Variants in SOX13 observed in about 807,000 individuals in gnomAD.
The protein encoded by SOX13 is SRY-box transcription factor 13, also known as transcription factor SOX-13.
SOX13 carries 28 observed loss-of-function variants against 71.8 expected under a neutral mutation model. The observed-to-expected ratio is 0.39, with a 90% confidence interval of 0.29 to 0.53. SOX13 has a LOEUF of 0.53. Among genes scored for constraint, SOX13 ranks in the 20% least tolerant of loss-of-function variants. The probability of loss-of-function intolerance (pLI) is 0.70; values close to 1 mark genes in which losing one functional copy is unlikely to be tolerated. For missense variants in SOX13, 627 were observed against 810.3 expected (o/e 0.77, Z 2.75); for synonymous variants, 309 against 317.8 (o/e 0.97, Z 0.29).
At position 204,126,313 on chromosome 1, in the gene SOX13, G is replaced by T. The variant is rs1174309876; in HGVS notation, c.*179G>T. ...GGGAGAGGCGCCCTCCCTTCCTGAG[G>T]AGCTGTTGGCCTGGGTGGGCAGGAA... On this transcript the variant is annotated 3_prime_UTR_variant, in exon 14 of 14. Transcript: ENST00000367204. 8.6e-6 allele frequency: 6 copies of T among 698,790 alleles called. No homozygotes were observed. The highest frequency in any genetic ancestry group is 1.4e-5 in the Non-Finnish European group (6 of 421,956). 43.3% of individuals were successfully genotyped at this position (698,790 alleles called of 1,614,324 possible).
intron 4 of SOX13, among the ~76,000 whole-genome samples, chr1:204,115,809 G>C (rs1166694884): frequency 6.6e-6 from 1 of 151,664 alleles, no homozygotes; most frequent in Non-Finnish European, 1.5e-5. Context: ...TGGGATTACA[G>C]GTATGCGCCA....
At chr1:204,075,008 C>A (rs765767155) in intron 1 of SOX13, among the ~76,000 whole-genome samples, 7 of 152,142 alleles carry the variant, frequency 4.6e-5, no homozygotes, top group Admixed American at 1.3e-4. Context: ...GCTGCTGGCT[C>A]TTGACCACTA....
In SOX13 at chr1:204,101,626, A is replaced by G. The variant is rs116373398; in HGVS notation, c.-1-11289A>G. Among the ~76,000 whole-genome samples the G allele has an allele frequency of 2.1e-3, 324 of 152,220 alleles. 1 individual carries two copies. Among genetic ancestry groups the G allele is most frequent in the African/African-American group, 7.3e-3 (303 of 41,542 alleles). On this transcript the variant is annotated intron_variant, in intron 1 of 13. Transcript: ENST00000367204. Reference sequence around the variant, plus strand: ...TCAGCCACCACAATACTAAGTGCCAATCTGCTTTGTGCCAGGCATTGGGCT... The same window carrying G: ...TCAGCCACCACAATACTAAGTGCCAGTCTGCTTTGTGCCAGGCATTGGGCT...
intron 1 of SOX13, among the ~76,000 whole-genome samples, chr1:204,075,510 G>C (rs922665358): frequency 6.6e-6 from 1 of 152,224 alleles, no homozygotes; most frequent in Non-Finnish European, 1.5e-5. Context: ...GGACTTCCCC[G>C]CATGCGAAAT....
chr1:204,080,225 CG>C (rs1655874650), intron 1 of SOX13, among the ~76,000 whole-genome samples: 1 of 152,196 alleles, frequency 6.6e-6, no homozygotes, highest in African/African-American at 2.4e-5. Flanking sequence ...CTCCCCCCAG[CG>C]GTGGCCTTAG....
chr1:204,081,864 G>A lies in SOX13; in HGVS notation c.-2+8153G>A, dbSNP rs1655913947. ...TGGTTCTGGCCTGTTCCATGAGGGT[G>A]GGGTAGGGTGGGGAAAGAAGGGGGA... On this transcript the variant is annotated intron_variant, in intron 1 of 13. Transcript: ENST00000367204. This position sits in a 1 kb window ranked among gnomAD's most constrained non-coding sequence, Gnocchi z 4.3. Among the ~76,000 whole-genome samples the A allele has an allele frequency of 6.6e-6, 1 of 152,138 alleles. No homozygotes were observed. Among genetic ancestry groups the A allele is most frequent in the Admixed American group, 6.5e-5 (1 of 15,280 alleles).
chr1:204,077,478 T>G (rs763397637), intron 1 of SOX13, among the ~76,000 whole-genome samples: 2 of 152,188 alleles, frequency 1.3e-5, no homozygotes, highest in East Asian at 1.9e-4. Flanking sequence ...TTTCTGAATT[T>G]AGTACCAGGT....
At chr1:204,079,889 T>G (rs1655866581) in intron 1 of SOX13, among the ~76,000 whole-genome samples, 1 of 124,734 alleles carries the variant, frequency 8.0e-6, no homozygotes, top group Non-Finnish European at 1.9e-5. Flanking sequence ...TTCCCCTGCC[T>G]CCTCCTAAGG....
Position 204,123,181 on chromosome 1 carries a change from G to A in SOX13, c.1204G>A (p.Glu402Lys). The change falls in exon 11 of 14, where the codon GAA becomes AAA. Residue 402 changes from glutamate (E) to lysine (K), a missense_variant. Physicochemically the swap from Glu to Lys is moderately conservative, Grantham distance 56. Coordinates refer to ENST00000367204, the MANE Select transcript of SOX13 (RefSeq NM_005686.3). The surrounding 1 kb of genome is among the most constrained non-coding windows in gnomAD (Gnocchi z 5.0). ...LEDGCVHPLE[E>K]AMLSCDMDGS... ...GGACGGCTGTGTGCACCCACTGGAG[G>A]AAGCCATGCTGAGCTGCGACATGGA... The A allele has an allele frequency of 6.2e-7, 1 of 1,613,634 alleles. No homozygotes were observed. The highest frequency in any genetic ancestry group is 8.5e-7 in the Non-Finnish European group (1 of 1,179,700).
In SOX13 at chr1:204,121,889, C is replaced by A; in HGVS notation, c.776-11C>A. On this transcript the variant is annotated splice_polypyrimidine_tract_variant and intron_variant, in intron 7 of 13. Transcript: ENST00000367204. Reference sequence around the variant, plus strand: ...CATCCAGGACTTTTCTCCTTGCTGCCTTTTCCATAGTGGAGTATCCGCTGC... The same window carrying A: ...CATCCAGGACTTTTCTCCTTGCTGCATTTTCCATAGTGGAGTATCCGCTGC... 1.2e-6 allele frequency: 2 copies of A among 1,604,538 alleles called. No homozygotes were observed. Among genetic ancestry groups the A allele is most frequent in the Non-Finnish European group, 1.7e-6 (2 of 1,171,544 alleles).
intron 1 of SOX13, among the ~76,000 whole-genome samples, chr1:204,091,179 A>G (rs1558212287): frequency 6.6e-6 from 1 of 152,096 alleles, no homozygotes; most frequent in Non-Finnish European, 1.5e-5. Context: ...AACTGAGACA[A>G]CTTTCCCTTC....
chr1:204,125,171 T>C (rs1656895707), intron 13 of SOX13, among the ~76,000 whole-genome samples: 2 of 152,292 alleles, frequency 1.3e-5, no homozygotes, highest in Admixed American at 1.3e-4. Flanking sequence ...TCAGAGGTGC[T>C]AGAAATCAAA....
At position 204,123,903 on chromosome 1, in the gene SOX13, G is replaced by A. The variant is rs938006561; in HGVS notation, c.1375+99G>A. ...GCTTGGTGATATTCCATACTGTGTT[G>A]GACTCCAGTGGAATCTGACGACAGG... On this transcript the variant is annotated intron_variant, in intron 12 of 13. Transcript: ENST00000367204. The surrounding 1 kb of genome is among the most constrained non-coding windows in gnomAD (Gnocchi z 5.0). 4.4e-6 allele frequency: 6 copies of A among 1,352,232 alleles called. No individual in the cohort carries two copies. The African/African-American group carries it at 7.2e-5, about 16-fold the overall frequency. The allele number at this position is 1,352,232 out of a possible 1,614,324, so 83.8% of individuals were successfully genotyped here. A position where few individuals can be genotyped will look rare whatever the true frequency, so the allele number is the denominator to read the frequency against.
chr1:204,080,494 G>A (rs928727906), intron 1 of SOX13, among the ~76,000 whole-genome samples: 2 of 152,138 alleles, frequency 1.3e-5, no homozygotes, highest in African/African-American at 4.8e-5. Flanking sequence ...GCTCCCTGGG[G>A]GATCCGCCCC....
At chr1:204,084,139 G>C (rs1317939421) in intron 1 of SOX13, among the ~76,000 whole-genome samples, 1 of 152,148 alleles carries the variant, frequency 6.6e-6, no homozygotes, top group Non-Finnish European at 1.5e-5. Context: ...GGCTCCCAGA[G>C]CTCAGGGGCC....
intron 1 of SOX13, among the ~76,000 whole-genome samples, chr1:204,097,662 G>A (rs1457913747): frequency 1.4e-5 from 2 of 140,646 alleles, no homozygotes; most frequent in African/African-American, 2.7e-5. Context: ...TTGCATTCCA[G>A]CCTGAATGCA....
At chr1:204,090,408 CTTTTTTTTT>C (rs67694415) in intron 1 of SOX13, among the ~76,000 whole-genome samples, 1 of 118,562 alleles carries the variant, frequency 8.4e-6, no homozygotes, top group East Asian at 2.3e-4. Context: ...TCTTCTTCTT[CTTTTTTTTT>C]TTTTTTTTTG....
intron 4 of SOX13, chr1:204,116,301 C>T: frequency 1.3e-6 from 2 of 1,529,504 alleles, no homozygotes; most frequent in Non-Finnish European, 1.8e-6. Context: ...TAGGGGAGAA[C>T]TTCTAGGCTA....
intron 2 of SOX13, among the ~76,000 whole-genome samples, chr1:204,113,725 G>C (rs1292094255): frequency 6.6e-6 from 1 of 152,130 alleles, no homozygotes; most frequent in African/African-American, 2.4e-5. Context: ...GAAGGAGGTG[G>C]GGGGTGGGGG....
Sources: allele counts gnomAD v4.1 joint callset (sites outside exome capture counted in the v4.1 genomes callset), GRCh38; gene constraint gnomAD v4.1.1; non-coding constraint Gnocchi (gnomAD v3.1); transcripts MANE v1.5; gene names NCBI Gene and HGNC (gene_info 2026-07-23, HGNC 2026-07-21).